The following PRELID2 variants were observed in gnomAD, a reference collection of about 807,000 sequenced individuals.
PRELID2 encodes the protein PRELI domain-containing protein 2.
PRELID2 carries 25 observed loss-of-function variants against 28.4 expected under a neutral mutation model. That is an observed-to-expected ratio of 0.88 (90% CI 0.64 to 1.23). The LOEUF is 1.23. Among genes scored for constraint, PRELID2 ranks in the 50% most tolerant of loss-of-function variants. PRELID2 has a pLI of 0.00. For synonymous variants in PRELID2, 76 were observed against 71.6 expected, an observed-to-expected ratio of 1.06 and a Z score of -0.31; for missense variants, 201 against 214.4, an observed-to-expected ratio of 0.94 and a Z score of 0.39.
the PRELID2 span, among the ~76,000 whole-genome samples, chr5:145,402,887 G>T: frequency 2.0e-5 from 3 of 152,242 alleles, no homozygotes; most frequent in Admixed American, 1.3e-4. Context: ...GAGCAGCAAA[G>T]GATTCAAAAT....
downstream of PRELID2, among the ~76,000 whole-genome samples, chr5:145,752,240 A>C (rs1392174532): frequency 2.6e-5 from 4 of 152,244 alleles, no homozygotes; most frequent in Admixed American, 2.0e-4. Context: ...CCAAGAAGAA[A>C]TGGTTCTCAT....
chr5:145,312,531 C>T, the PRELID2 span, among the ~76,000 whole-genome samples: 84 of 152,288 alleles, frequency 5.5e-4, no homozygotes, highest in Non-Finnish European at 1.1e-3. Flanking sequence ...ACCCTCAGCC[C>T]TTGGTAACCA....
At chr5:145,781,600 T>A (rs551842179) in intron 5 of PRELID2, among the ~76,000 whole-genome samples, 1 of 147,788 alleles carries the variant, frequency 6.8e-6, no homozygotes, top group East Asian at 2.0e-4. Context: ...ATATAGTATA[T>A]CTATATACAC....
chr5:145,481,623 C>CAAAAAAAA (rs70998021), intron 1 of PRELID2, among the ~76,000 whole-genome samples: 397 of 41,866 alleles, frequency 9.5e-3, no homozygotes, highest in Middle Eastern at 0.02. Flanking sequence ...GCAAGGAAAT[C>CAAAAAAAA]AAAAAAAAAA....
At chr5:145,623,267 G>A (rs1753796632) in intron 1 of PRELID2, among the ~76,000 whole-genome samples, 1 of 151,714 alleles carries the variant, frequency 6.6e-6, no homozygotes, top group African/African-American at 2.4e-5. Flanking sequence ...GGCCAACATG[G>A]CGAAACCCCG....
At chr5:145,277,447 T>C in the PRELID2 span, among the ~76,000 whole-genome samples, 1 of 152,130 alleles carries the variant, frequency 6.6e-6, no homozygotes, top group Non-Finnish European at 1.5e-5. Flanking sequence ...CAACAATATC[T>C]TCCCATTCTT....
At chr5:145,752,573 T>C (rs961156204), downstream of PRELID2, among the ~76,000 whole-genome samples, 2 of 152,188 alleles carry the variant, frequency 1.3e-5, no homozygotes, top group African/African-American at 2.4e-5. Flanking sequence ...ATGCTACATC[T>C]TCCAATTCTC....
chr5:145,740,648 T>C (rs1756658136), intron 1 of PRELID2, among the ~76,000 whole-genome samples: 2 of 109,210 alleles, frequency 1.8e-5, no homozygotes, highest in Admixed American at 1.2e-4. Context: ...AATATATATA[T>C]TTTATATATA....
the PRELID2 span, among the ~76,000 whole-genome samples, chr5:145,426,411 C>A: frequency 1.7e-4 from 26 of 152,122 alleles, no homozygotes; most frequent in African/African-American, 4.3e-4. Context: ...ATGGCAAAGA[C>A]TCTGACATGA....
chr5:145,451,585 AT>A, the PRELID2 span, among the ~76,000 whole-genome samples: 1 of 152,110 alleles, frequency 6.6e-6, no homozygotes, highest in African/African-American at 2.4e-5. Context: ...CAAGCTCACA[AT>A]AGTGCTGAAC....
chr5:145,318,055 G>A, the PRELID2 span, among the ~76,000 whole-genome samples: 1 of 152,004 alleles, frequency 6.6e-6, no homozygotes, highest in Admixed American at 6.6e-5. Flanking sequence ...ACAGATTAAG[G>A]GACTGTGGCA....
chr5:145,483,422 T>C (rs1026471270), intron 1 of PRELID2, among the ~76,000 whole-genome samples: 1 of 152,196 alleles, frequency 6.6e-6, no homozygotes, highest in Non-Finnish European at 1.5e-5. Flanking sequence ...GGCTGACTCA[T>C]TAGCTCATCA....
chr5:145,406,491 C>A, the PRELID2 span, among the ~76,000 whole-genome samples: 1 of 152,098 alleles, frequency 6.6e-6, no homozygotes, highest in Non-Finnish European at 1.5e-5. Flanking sequence ...TGTTTTGTTA[C>A]TTAATGAAAA....
At chr5:145,330,552 T>C in the PRELID2 span, among the ~76,000 whole-genome samples, 7 of 152,234 alleles carry the variant, frequency 4.6e-5, no homozygotes, top group Non-Finnish European at 1.5e-5. Flanking sequence ...TTTTCTAGTT[T>C]ATTTGCATAG....
intron 1 of PRELID2, among the ~76,000 whole-genome samples, chr5:145,746,644 G>T: frequency 6.6e-6 from 1 of 152,108 alleles, no homozygotes; most frequent in East Asian, 1.9e-4. Flanking sequence ...AATTAACAAA[G>T]ATATTCAGGA....
chr5:145,662,870 T>C (rs931436507), intron 1 of PRELID2, among the ~76,000 whole-genome samples: 8 of 152,114 alleles, frequency 5.3e-5, no homozygotes, highest in Non-Finnish European at 1.2e-4. Flanking sequence ...CTTTATAAAT[T>C]ACCCAGTTTC....
At chr5:145,665,732 T>C (rs749827102) in intron 1 of PRELID2, among the ~76,000 whole-genome samples, 28 of 152,172 alleles carry the variant, frequency 1.8e-4, no homozygotes, top group Non-Finnish European at 4.0e-4. Flanking sequence ...GAAATGTTTA[T>C]TCTTTTTGCA....
the PRELID2 span, among the ~76,000 whole-genome samples, chr5:145,327,175 C>T: frequency 4.9e-3 from 745 of 152,040 alleles, 8 homozygotes; most frequent in East Asian, 0.045. Flanking sequence ...TTTTTACTGA[C>T]TTTTTTGTCT....
At chr5:145,527,243 T>C (rs1393787406) in intron 1 of PRELID2, among the ~76,000 whole-genome samples, 1 of 152,194 alleles carries the variant, frequency 6.6e-6, no homozygotes. Flanking sequence ...CATATAAAAC[T>C]AAATTCACAC....
Sources: gnomAD v4.1 joint callset for allele counts (sites outside exome capture counted in the v4.1 genomes callset) on GRCh38, gnomAD v4.1.1 for gene constraint, MANE v1.5 for transcripts, NCBI Gene and HGNC (gene_info 2026-07-23, HGNC 2026-07-21) for gene names.